Variants in SAMMSON observed in about 807,000 individuals in gnomAD.
SAMMSON encodes long intergenic non-protein coding RNA 1212.
chr3:70,393,617 A>AT (rs1701067453), downstream of SAMMSON, among the ~76,000 whole-genome samples: 2 of 152,180 alleles, frequency 1.3e-5, no homozygotes, highest in African/African-American at 4.8e-5. Flanking sequence ...TAGAAAAACA[A>AT]GCTGTGAAAG....
chr3:70,106,089 T>C (rs1270878512), intron 4 of SAMMSON, among the ~76,000 whole-genome samples: 1 of 152,196 alleles, frequency 6.6e-6, no homozygotes, highest in African/African-American at 2.4e-5. Context: ...TAATTCTTGT[T>C]TTCATATTAT....
At chr3:70,294,153 C>T (rs944039514) in intron 7 of SAMMSON, among the ~76,000 whole-genome samples, 2 of 152,074 alleles carry the variant, frequency 1.3e-5, no homozygotes, top group African/African-American at 4.8e-5. Flanking sequence ...AATAATACTA[C>T]CCTAGCATTT....
chr3:70,200,731 A>G (rs1391225500), intron 4 of SAMMSON, among the ~76,000 whole-genome samples: 2 of 152,194 alleles, frequency 1.3e-5, no homozygotes, highest in Non-Finnish European at 2.9e-5. Context: ...TGGTTGACTG[A>G]CTAAATCAAT....
chr3:70,357,175 A>G (rs941773747), intron 8 of SAMMSON, among the ~76,000 whole-genome samples: 1 of 152,190 alleles, frequency 6.6e-6, no homozygotes, highest in Non-Finnish European at 1.5e-5. Flanking sequence ...GGACATGGAC[A>G]TGAAAATAAA....
At chr3:70,361,059 C>A (rs1021789459) in intron 9 of SAMMSON, among the ~76,000 whole-genome samples, 1 of 152,106 alleles carries the variant, frequency 6.6e-6, no homozygotes, top group Non-Finnish European at 1.5e-5. Flanking sequence ...GAAAACTCAG[C>A]CTCAGAGGCC....
chr3:70,244,808 A>G (rs982033271), intron 4 of SAMMSON, among the ~76,000 whole-genome samples: 1 of 152,242 alleles, frequency 6.6e-6, no homozygotes, highest in African/African-American at 2.4e-5. Flanking sequence ...GTCTCTATGT[A>G]TATATCCATG....
intron 4 of SAMMSON, among the ~76,000 whole-genome samples, chr3:70,100,289 G>T (rs2067338678): frequency 6.6e-6 from 1 of 151,904 alleles, no homozygotes; most frequent in Non-Finnish European, 1.5e-5. Flanking sequence ...TAGAACTACA[G>T]ATACGAGCCA....
intron 6 of SAMMSON, among the ~76,000 whole-genome samples, chr3:70,267,238 G>A (rs1701924086): frequency 6.6e-6 from 1 of 151,926 alleles, no homozygotes; most frequent in African/African-American, 2.4e-5. Context: ...TTTACGAAGG[G>A]CAGAATGCAA....
At chr3:70,432,383 A>G (rs1701421315) in intron 2 of SAMMSON, among the ~76,000 whole-genome samples, 1 of 151,360 alleles carries the variant, frequency 6.6e-6, no homozygotes. Flanking sequence ...ATCTAGATGC[A>G]ATTCATTTGT....
chr3:70,383,058 C>G lies in SAMMSON; in HGVS notation n.914-6516C>G, dbSNP rs138730441. Reference sequence around the variant, plus strand: ...TCTCTTCCTCTCCCACACTCATGCTCTCATAGGTAACTTCCCTTCATAACT... The same window carrying G: ...TCTCTTCCTCTCCCACACTCATGCTGTCATAGGTAACTTCCCTTCATAACT... On this transcript the variant is annotated intron_variant and non_coding_transcript_variant, in intron 9 of 9. Transcript: ENST00000642114. Among the ~76,000 whole-genome samples, 16 of 152,186 alleles carry G rather than the reference C, an allele frequency of 1.1e-4. No individual in the cohort carries two copies. The East Asian group carries it at 3.1e-3, about 29-fold the overall frequency.
At chr3:70,118,305 T>C (rs1339508323) in intron 4 of SAMMSON, among the ~76,000 whole-genome samples, 2 of 152,196 alleles carry the variant, frequency 1.3e-5, no homozygotes, top group East Asian at 1.9e-4. Context: ...ACTGAGGCAG[T>C]AGTGACCTGA....
intron 3 of SAMMSON, among the ~76,000 whole-genome samples, chr3:70,041,597 T>G (rs890247744): frequency 6.6e-6 from 1 of 152,128 alleles, no homozygotes; most frequent in African/African-American, 2.4e-5. Context: ...AATCTGTGGA[T>G]TCGAGCAACC....
At chr3:70,077,855 C>G (rs2067254477) in intron 4 of SAMMSON, among the ~76,000 whole-genome samples, 1 of 152,100 alleles carries the variant, frequency 6.6e-6, no homozygotes, top group Admixed American at 6.6e-5. Flanking sequence ...AGACAAATGA[C>G]CCACGGAAGA....
At chr3:70,034,009 C>T (rs1379621757) in intron 3 of SAMMSON, among the ~76,000 whole-genome samples, 1 of 151,920 alleles carries the variant, frequency 6.6e-6, no homozygotes, top group Non-Finnish European at 1.5e-5. Context: ...GGACAGGTGA[C>T]AAGATGGATC....
chr3:70,212,710 TAAAG>T (rs1308266354), intron 4 of SAMMSON, among the ~76,000 whole-genome samples: 1 of 152,106 alleles, frequency 6.6e-6, no homozygotes, highest in African/African-American at 2.4e-5. Flanking sequence ...ATATTAGTCA[TAAAG>T]AAAGCAAAAC....
At chr3:70,204,061 A>G (rs930217918) in intron 4 of SAMMSON, among the ~76,000 whole-genome samples, 3 of 152,174 alleles carry the variant, frequency 2.0e-5, no homozygotes, top group African/African-American at 7.2e-5. Flanking sequence ...AACTGTGCTA[A>G]TGGATGTAAC....
intron 4 of SAMMSON, among the ~76,000 whole-genome samples, chr3:70,088,550 A>G (rs2067294037): frequency 6.6e-6 from 1 of 152,202 alleles, no homozygotes; most frequent in Non-Finnish European, 1.5e-5. Flanking sequence ...GCCCATGTAT[A>G]AATTGGCTAA....
intron 4 of SAMMSON, among the ~76,000 whole-genome samples, chr3:70,107,170 A>G (rs1307373337): frequency 6.6e-6 from 1 of 152,198 alleles, no homozygotes; most frequent in Admixed American, 6.5e-5. Flanking sequence ...CACCCAAATT[A>G]AATGTTATTT....
intron 4 of SAMMSON, among the ~76,000 whole-genome samples, chr3:70,213,706 GT>G (rs1312794679): frequency 6.6e-6 from 1 of 152,024 alleles, no homozygotes; most frequent in Non-Finnish European, 1.5e-5. Context: ...GGTGATTTTT[GT>G]TGTTAAAATG....
Sources: allele counts gnomAD v4.1 joint callset (sites outside exome capture counted in the v4.1 genomes callset), GRCh38; gene constraint gnomAD v4.1.1; transcripts MANE v1.5; gene names NCBI Gene and HGNC (gene_info 2026-07-23, HGNC 2026-07-21).